The following ZHX3 variants were observed in gnomAD, a reference collection of about 807,000 sequenced individuals.
The protein encoded by ZHX3 is zinc fingers and homeoboxes 3.
ZHX3 carries 20 observed loss-of-function variants against 64.5 expected under a neutral mutation model. That is an observed-to-expected ratio of 0.31 (90% CI 0.22 to 0.45). The LOEUF is 0.45. Ranked by LOEUF, ZHX3 falls within the 20% of genes least tolerant of loss-of-function variation. ZHX3 has a pLI of 1.00. For synonymous variants in ZHX3, 423 were observed against 461.6 expected (o/e 0.92, Z 1.07); for missense variants, 1,041 against 1,195.8 (o/e 0.87, Z 1.91).
chr20:41,312,138 T>C (rs1259972934), intron 1 of ZHX3, among the ~76,000 whole-genome samples: 1 of 152,184 alleles, frequency 6.6e-6, no homozygotes, highest in African/African-American at 2.4e-5. Flanking sequence ...GATTGTAATA[T>C]GCACCAATCA....
rs112743667 is a variant in ZHX3, at chr20:41,232,721, G to A, written c.-150-27655C>T. ...TCTCCTGCCTCAGCCTCCCGCGGGG[G>A]ACTACAGGCGCCCACCACCTCGCCC... On this transcript the variant is annotated intron_variant, in intron 2 of 3. Coordinates refer to ENST00000683867, the MANE Select transcript of ZHX3 (RefSeq NM_001384317.1). This position sits in a 1 kb window ranked among gnomAD's most constrained non-coding sequence, Gnocchi z 5.0. 4.9e-4 allele frequency among the ~76,000 whole-genome samples: 74 copies of A among 152,108 alleles called. 1 individual carries two copies. Among genetic ancestry groups the A allele is most frequent in the East Asian group, 4.8e-3 (25 of 5,168 alleles).
At position 41,219,151 on chromosome 20, in the gene ZHX3, G is replaced by C. The variant is rs1475984105; in HGVS notation, c.-150-14085C>G. Among the ~76,000 whole-genome samples, 2 of 151,026 alleles carry C rather than the reference G, an allele frequency of 1.3e-5. No individual in the cohort carries two copies. Among genetic ancestry groups the C allele is most frequent in the African/African-American group, 2.4e-5 (1 of 41,020 alleles). ...TCACCGTGTTAGCGAGCATGGTCTC[G>C]ATCTCCTGACCTCGTGATCCACACG... On this transcript the variant is annotated intron_variant, in intron 2 of 3. Transcript: ENST00000683867. The surrounding 1 kb of genome is among the most constrained non-coding windows in gnomAD (Gnocchi z 5.0).
At chr20:41,273,933 A>G (rs1405246464) in intron 1 of ZHX3, among the ~76,000 whole-genome samples, 1 of 152,200 alleles carries the variant, frequency 6.6e-6, no homozygotes, top group East Asian at 1.9e-4. Flanking sequence ...CACTTTGAGT[A>G]GTATTGCCAT....
In ZHX3 at chr20:41,271,209, C is replaced by T. The variant is rs578139003; in HGVS notation, c.-244-2126G>A. On this transcript the variant is annotated intron_variant, in intron 1 of 3. Coordinates refer to ENST00000683867, the MANE Select transcript of ZHX3 (RefSeq NM_001384317.1). ...CTAATTTTTGTATTTTTAGTAGAGA[C>T]GGGGTTTCACCATGTTGGCCAGATG... Among the ~76,000 whole-genome samples the T allele has an allele frequency of 7.9e-5, 12 of 152,184 alleles. No homozygotes were observed. In the South Asian group the frequency reaches 8.3e-4, roughly 11 times the overall value.
At chr20:41,244,324 T>G (rs1432792883) in intron 2 of ZHX3, among the ~76,000 whole-genome samples, 1 of 152,070 alleles carries the variant, frequency 6.6e-6, no homozygotes, top group Non-Finnish European at 1.5e-5. Flanking sequence ...GGGACAGATG[T>G]GTGACTCAAG....
intron 2 of ZHX3, among the ~76,000 whole-genome samples, chr20:41,248,994 T>C (rs907466672): frequency 4.6e-5 from 7 of 152,324 alleles, no homozygotes; most frequent in African/African-American, 1.4e-4. Context: ...TGGGGATAAA[T>C]AGTATGCAAT....
Position 41,202,228 on chromosome 20 carries a change from T to G in ZHX3, c.2689A>C (p.Thr897Pro), listed in dbSNP as rs775426433. Residue 897 changes from threonine (T) to proline (P), a missense_variant, in exon 3 of 4, where the codon ACA (threonine) becomes CCA (proline). Around this residue, in one of 4 missense-constraint regions of ZHX3, gnomAD observed 649 missense variants for 739.8 expected, o/e 0.88. Coordinates refer to ENST00000683867, the MANE Select transcript of ZHX3 (RefSeq NM_001384317.1). This position sits in a 1 kb window ranked among gnomAD's most constrained non-coding sequence, Gnocchi z 7.0. ...CCAGGGCCCTGGTCCTCACTGCCTGTGTCTGCCACGGCTCTGGTCTCCTCC... is the reference window on the plus strand; with the variant it reads ...CCAGGGCCCTGGTCCTCACTGCCTGGGTCTGCCACGGCTCTGGTCTCCTCC... ...MGEETRAVADTGSEDQGPGTG... is the reference protein window; with the variant it reads ...MGEETRAVADPGSEDQGPGTG... 2.2e-5 allele frequency: 35 copies of G among 1,613,960 alleles called. No individual in the cohort carries two copies. The Admixed American group carries it at 5.8e-4, about 27-fold the overall frequency.
At chr20:41,256,127 G>A (rs1256356402) in intron 2 of ZHX3, among the ~76,000 whole-genome samples, 10 of 152,272 alleles carry the variant, frequency 6.6e-5, no homozygotes, top group Middle Eastern at 3.4e-3. Flanking sequence ...AAAATAAAAA[G>A]CAAACTTATT....
chr20:41,291,470 T>C (rs1434238936), intron 1 of ZHX3, among the ~76,000 whole-genome samples: 1 of 152,196 alleles, frequency 6.6e-6, no homozygotes, highest in East Asian at 1.9e-4. Flanking sequence ...GAAGACGCAG[T>C]AATTATGATA....
intron 3 of ZHX3, among the ~76,000 whole-genome samples, chr20:41,197,332 TTA>T (rs2037815418): frequency 6.8e-6 from 1 of 146,374 alleles, no homozygotes; most frequent in Admixed American, 6.9e-5. Context: ...CATATATATT[TTA>T]TATATAATTG....
intron 1 of ZHX3, among the ~76,000 whole-genome samples, chr20:41,277,259 T>C (rs1163652158): frequency 6.6e-6 from 1 of 151,786 alleles, no homozygotes; most frequent in Non-Finnish European, 1.5e-5. Flanking sequence ...AGCCCAGGAG[T>C]TCAAGGTCAG....
At chr20:41,295,840 G>C (rs760124440) in intron 1 of ZHX3, among the ~76,000 whole-genome samples, 8 of 149,066 alleles carry the variant, frequency 5.4e-5, no homozygotes, top group Non-Finnish European at 7.4e-5. Context: ...GACACAACGA[G>C]ACTCCGTCTC....
chr20:41,228,534 G>A lies in ZHX3; in HGVS notation c.-150-23468C>T, dbSNP rs1421807184. ...TGCTGGCATATTCAGTGTCTGGTGAGGGCCTACTTCCTCATAGACAGACAA... is the reference window on the plus strand; with the variant it reads ...TGCTGGCATATTCAGTGTCTGGTGAAGGCCTACTTCCTCATAGACAGACAA... On this transcript the variant is annotated intron_variant, in intron 2 of 3. Transcript: ENST00000683867. This position sits in a 1 kb window ranked among gnomAD's most constrained non-coding sequence, Gnocchi z 4.6. 6.6e-6 allele frequency among the ~76,000 whole-genome samples: 1 copy of A among 152,166 alleles called. No individual in the cohort carries two copies. The highest frequency in any genetic ancestry group is 6.5e-5 in the Admixed American group (1 of 15,276).
rs2037328316 is a variant in ZHX3, at chr20:41,194,611, AT to A, written c.2860+7445del. On this transcript the variant is annotated intron_variant, in intron 3 of 3. Coordinates refer to ENST00000683867, the MANE Select transcript of ZHX3 (RefSeq NM_001384317.1). Reference sequence around the variant, plus strand: ...GTTAAGAAGTGTTTACTCCTCTTCAATTTTTTTGGAGGAGTTTGAGGAGAAC... The same window carrying A: ...GTTAAGAAGTGTTTACTCCTCTTCAATTTTTTGGAGGAGTTTGAGGAGAAC... 2.0e-5 allele frequency among the ~76,000 whole-genome samples: 3 copies of A among 152,164 alleles called. No homozygotes were observed. The South Asian group carries it at 6.2e-4, about 32-fold the overall frequency.
At chr20:41,218,823 G>A (rs770155064) in intron 2 of ZHX3, among the ~76,000 whole-genome samples, 1 of 151,884 alleles carries the variant, frequency 6.6e-6, no homozygotes. Context: ...TTGCCCTCTG[G>A]TTACTTAAGG....
At chr20:41,255,161 A>AT (rs934419525) in intron 2 of ZHX3, among the ~76,000 whole-genome samples, 13 of 151,862 alleles carry the variant, frequency 8.6e-5, no homozygotes, top group Admixed American at 1.3e-4. Flanking sequence ...ATATATATAT[A>AT]TTTTTTTTGA....
rs1361887831 is a variant in ZHX3, at chr20:41,179,657, T to G, written c.*5534A>C. 6.7e-6 allele frequency: 1 copy of G among 148,566 alleles called. No homozygotes were observed. Among genetic ancestry groups the G allele is most frequent in the Non-Finnish European group, 1.5e-5 (1 of 67,234 alleles). 9.2% of individuals were successfully genotyped at this position (148,566 alleles called of 1,614,324 possible). A position where few individuals can be genotyped will look rare whatever the true frequency, so the allele number is the denominator to read the frequency against. On this transcript the variant is annotated 3_prime_UTR_variant, in exon 4 of 4. Coordinates refer to ENST00000683867, the MANE Select transcript of ZHX3 (RefSeq NM_001384317.1). This position sits in a 1 kb window ranked among gnomAD's most constrained non-coding sequence, Gnocchi z 4.3. ...TTTTTTTTTTTTTTTTGAGACGGAG[T>G]TTCGCTCTGTCGCCCAGGCTGGAGT...
At position 41,278,700 on chromosome 20, in the gene ZHX3, G is replaced by C. The variant is rs575201785; in HGVS notation, c.-244-9617C>G. Among the ~76,000 whole-genome samples the C allele has an allele frequency of 3.0e-4, 42 of 141,576 alleles. 6 individuals are homozygous for C. The highest frequency in any genetic ancestry group is 1.0e-3 in the African/African-American group (39 of 37,776). 92.9% of individuals were successfully genotyped at this position (141,576 alleles called of 152,430 possible). A position where few individuals can be genotyped will look rare whatever the true frequency, so the allele number is the denominator to read the frequency against. The stretch of plus-strand genomic sequence containing the variant: ...AAATACAGAAGAGTATAAGACTATA[G>C]AGGAAAAAATTCACATAATTCAAAT... On this transcript the variant is annotated intron_variant, in intron 1 of 3. Coordinates refer to ENST00000683867, the MANE Select transcript of ZHX3 (RefSeq NM_001384317.1).
intron 2 of ZHX3, among the ~76,000 whole-genome samples, chr20:41,251,859 C>T (rs563879854): frequency 7.5e-4 from 114 of 152,104 alleles, no homozygotes; most frequent in African/African-American, 2.7e-3. Flanking sequence ...TATAACATGG[C>T]TTTACACTGT....
Sources: gnomAD v4.1 joint callset for allele counts (sites outside exome capture counted in the v4.1 genomes callset) on GRCh38, gnomAD v4.1.1 for gene constraint, gnomAD v4.1.1 regional missense constraint, Gnocchi (gnomAD v3.1) non-coding constraint, MANE v1.5 for transcripts, NCBI Gene and HGNC (gene_info 2026-07-23, HGNC 2026-07-21) for gene names.